Variants in SLC35E4 observed in about 807,000 individuals in gnomAD.
SLC35E4 encodes the protein solute carrier family 35 member E4.
Under a neutral mutation model 19.3 loss-of-function variants are expected in SLC35E4, and 15 were observed. The observed-to-expected ratio is 0.78, with a 90% CI of 0.52 to 1.20. The LOEUF is 1.20. SLC35E4 is among the 50% of genes most tolerant of loss of function. The pLI is 0.00. For missense variants in SLC35E4, 406 were observed against 472.3 expected (o/e 0.86, Z 1.30); for synonymous variants, 219 against 219.9 (o/e 1.00, Z 0.04).
Position 30,646,833 on chromosome 22 carries a change from C to T in SLC35E4, c.855C>T (p.His285=), listed in dbSNP as rs146579114. The change falls in exon 2 of 2, where the codon CAC becomes CAT. Residue 285 remains histidine (H), a synonymous_variant. Coordinates refer to ENST00000343605, the MANE Select transcript of SLC35E4 (RefSeq NM_001001479.4). ...LLALTSALTV[H]VLGNLTVVGN... ...CCCTCACCTCTGCCCTCACCGTCCA[C>T]GTCCTGGGCAACCTCACCGTGGTGG... The T allele has an allele frequency of 2.2e-4, 351 of 1,614,256 alleles. 1 individual carries two copies. The African/African-American group carries it at 3.9e-3, about 18-fold the overall frequency.
chr22:30,643,843 T>C (rs1054167026), intron 1 of SLC35E4, among the ~76,000 whole-genome samples: 1 of 152,102 alleles, frequency 6.6e-6, no homozygotes, highest in Admixed American at 6.6e-5. Flanking sequence ...CATGTTCCAA[T>C]AGAAGGAGAG....
Position 30,642,729 on chromosome 22 carries a change from C to CAA in SLC35E4, c.620-3852_620-3851dup, listed in dbSNP as rs34842452. Among the ~76,000 whole-genome samples, 32 of 87,152 alleles carry CAA rather than the reference C, an allele frequency of 3.7e-4. 1 individual carries two copies. Among genetic ancestry groups the CAA allele is most frequent in the Non-Finnish European group, 5.5e-4 (26 of 47,432 alleles). The allele number at this position is 87,152 out of a possible 152,430, so 57.2% of individuals were successfully genotyped here. A position where few individuals can be genotyped will look rare whatever the true frequency, so the allele number is the denominator to read the frequency against. ...TTGCACTCTAGCCTGGGCAACATCT[C>CAA]AAAAAAAAAAAAAAAAAAGGCCAGG... is the stretch of plus-strand genomic sequence containing the variant. On this transcript the variant is annotated intron_variant, in intron 1 of 1. Transcript: ENST00000343605.
intron 1 of SLC35E4, among the ~76,000 whole-genome samples, chr22:30,642,729 C>CAAA (rs34842452): frequency 4.6e-5 from 4 of 87,164 alleles, no homozygotes; most frequent in Non-Finnish European, 6.3e-5. Context: ...GGCAACATCT[C>CAAA]AAAAAAAAAA....
rs750249884 is a variant in SLC35E4 at position 30,636,673 on chromosome 22, G to C, written c.223G>C (p.Gly75Arg). 2.5e-6 allele frequency: 4 copies of C among 1,611,964 alleles called. No individual in the cohort carries two copies. The highest frequency in any genetic ancestry group is 1.7e-5 in the Admixed American group (1 of 59,966). Residue 75 changes from glycine (G) to arginine (R), a missense_variant, in exon 1 of 2, where the codon GGC becomes CGC. Coordinates refer to ENST00000343605, the MANE Select transcript of SLC35E4 (RefSeq NM_001001479.4). ...SLNKWIFTVH[G>R]FGRPLLLSAL... The stretch of plus-strand genomic sequence containing the variant: ...CAACAAGTGGATCTTCACAGTGCAC[G>C]GCTTTGGGCGGCCCCTGCTGCTGTC...
At chr22:30,653,665 C>T (rs979739027) in intron 2 of SLC35E4, among the ~76,000 whole-genome samples, 14 of 152,218 alleles carry the variant, frequency 9.2e-5, no homozygotes, top group Admixed American at 5.9e-4. Flanking sequence ...TGAGCCACCA[C>T]GCCTGGCCGC....
chr22:30,648,415 C>T (rs972802890), downstream of SLC35E4, among the ~76,000 whole-genome samples: 1 of 152,122 alleles, frequency 6.6e-6, no homozygotes, highest in Non-Finnish European at 1.5e-5. Context: ...CAGCTTAAAC[C>T]CCTGCCTGGA....
chr22:30,641,718 ATTTTTTT>A (rs56070783), intron 1 of SLC35E4, among the ~76,000 whole-genome samples: 31 of 108,936 alleles, frequency 2.8e-4, no homozygotes, highest in Admixed American at 6.1e-4. Context: ...CTAATTTTTA[ATTTTTTT>A]TTTTTTTTTT....
downstream of SLC35E4, chr22:30,663,542 A>C: frequency 3.1e-6 from 5 of 1,614,208 alleles, no homozygotes; most frequent in Non-Finnish European, 4.2e-6. Context: ...ATTGGAACTC[A>C]TAGTGGATGA....
exon 3 of SLC35E4, chr22:30,662,636 G>C (rs1005805888): frequency 6.6e-6 from 1 of 152,048 alleles, no homozygotes; most frequent in Admixed American, 6.6e-5. Context: ...AGACCAGTCT[G>C]GGCGACATAG....
chr22:30,645,954 GA>G lies in SLC35E4; in HGVS notation c.620-643del, dbSNP rs2088121860. On this transcript the variant is annotated intron_variant, in intron 1 of 1. Transcript: ENST00000343605. ...CTGCCTCAGCCTCCTGAGTAGCTGGGACTAAAGGCACGTGCCACCACTCCCA... is the reference window on the plus strand; with the variant it reads ...CTGCCTCAGCCTCCTGAGTAGCTGGGCTAAAGGCACGTGCCACCACTCCCA... 2.0e-5 allele frequency among the ~76,000 whole-genome samples: 3 copies of G among 152,054 alleles called. No individual in the cohort carries two copies. In the South Asian group the frequency reaches 6.2e-4, roughly 32 times the overall value.
rs988351449 is a variant in SLC35E4 at position 30,647,702 on chromosome 22, T to A, written c.*671T>A. The A allele has an allele frequency of 6.6e-6, 1 of 152,220 alleles. No individual in the cohort carries two copies. The highest frequency in any genetic ancestry group is 1.5e-5 in the Non-Finnish European group (1 of 68,072). 9.4% of individuals were successfully genotyped at this position (152,220 alleles called of 1,614,324 possible). On this transcript the variant is annotated 3_prime_UTR_variant, in exon 2 of 2. Transcript: ENST00000343605. The stretch of plus-strand genomic sequence containing the variant: ...CTTGTTACAATGACGATGATGATGA[T>A]TCTTGGCGGTTACACAATCCTTCCT...
chr22:30,668,814 G>A (rs1358102679), exon 3 of SLC35E4: 2 of 152,050 alleles, frequency 1.3e-5, no homozygotes, highest in Non-Finnish European at 2.9e-5. Flanking sequence ...CATCCTCCAG[G>A]CTCCCATCCA....
chr22:30,637,026 G>A lies in SLC35E4; in HGVS notation c.576G>A (p.Leu192=). The A allele has an allele frequency of 1.3e-6, 2 of 1,592,010 alleles. No individual in the cohort carries two copies. The highest frequency in any genetic ancestry group is 1.7e-6 in the Non-Finnish European group (2 of 1,165,782). Residue 192 remains leucine, a synonymous_variant, in exon 1 of 2, where the codon CTG becomes CTA. Coordinates refer to ENST00000343605, the MANE Select transcript of SLC35E4 (RefSeq NM_001001479.4). ...CACCCCCTACCGGCTGTGGCTTCCT[G>A]CTCGCAGCCACCTGCCTCCGCGGAC... ...FRTPPTGCGF[L]LAATCLRGLK... is the part of the protein sequence containing the mutation.
Position 30,636,895 on chromosome 22 carries a change from G to T in SLC35E4, c.445G>T (p.Ala149Ser). The T allele has an allele frequency of 6.2e-7, 1 of 1,612,266 alleles. No homozygotes were observed. The highest frequency in any genetic ancestry group is 8.5e-7 in the Non-Finnish European group (1 of 1,179,414). ...VTTTTPLFTL[A>S]LSALLLGRRH... The stretch of plus-strand genomic sequence containing the variant: ...TACCACCACACCTCTGTTCACCCTG[G>T]CCCTGTCGGCGCTGCTGCTGGGCCG... Residue 149 changes from alanine to serine, a missense_variant, in exon 1 of 2, where the codon GCC (alanine) becomes TCC (serine). Transcript: ENST00000343605.
At chr22:30,641,766 G>C (rs1475801367) in intron 1 of SLC35E4, among the ~76,000 whole-genome samples, 1 of 122,500 alleles carries the variant, frequency 8.2e-6, no homozygotes, top group African/African-American at 3.0e-5. Flanking sequence ...TCACTATGTT[G>C]CCCAGGCTGG....
chr22:30,662,161 G>C (rs2088494560), exon 3 of SLC35E4: 1 of 152,096 alleles, frequency 6.6e-6, no homozygotes, highest in Non-Finnish European at 1.5e-5. Context: ...CCAGCAGGGT[G>C]AAAGAGTCTA....
intron 2 of SLC35E4, among the ~76,000 whole-genome samples, chr22:30,659,944 A>T (rs1162773528): frequency 3.9e-5 from 6 of 152,292 alleles, no homozygotes; most frequent in African/African-American, 1.4e-4. Context: ...CACACGTAGA[A>T]AGCACCAGAA....
At chr22:30,651,371 T>TTGTGTGTGTG (rs1555899346), downstream of SLC35E4, among the ~76,000 whole-genome samples, 6 of 41,226 alleles carry the variant, frequency 1.5e-4, no homozygotes, top group Admixed American at 3.8e-4. Context: ...TGGCTAATTT[T>TTGTGTGTGTG]TGTGTGTGTG....
chr22:30,662,306 C>T (rs2088500165), exon 3 of SLC35E4: 1 of 152,158 alleles, frequency 6.6e-6, no homozygotes, highest in Non-Finnish European at 1.5e-5. Flanking sequence ...ACTGATGCTC[C>T]CAGGGGTCCA....
Sources: allele counts gnomAD v4.1 joint callset (sites outside exome capture counted in the v4.1 genomes callset), GRCh38; gene constraint gnomAD v4.1.1; transcripts MANE v1.5; gene names NCBI Gene and HGNC (gene_info 2026-07-23, HGNC 2026-07-21).